Variants in HAUS6 observed in about 807,000 individuals in gnomAD.
HAUS6 encodes HAUS augmin like complex subunit 6.
In HAUS6, 80 loss-of-function variants were observed where a neutral mutation model predicts 106.8. The ratio of observed to expected loss-of-function variants is 0.75; its 90% CI spans 0.63 to 0.90. The LOEUF (loss-of-function observed/expected upper bound fraction) is 0.90. Ranked by LOEUF, HAUS6 falls within the 40% of genes least tolerant of loss-of-function variation. The pLI is 0.00. For missense variants in HAUS6, 1,155 were observed against 1,118.1 expected (o/e 1.03, Z -0.47); for synonymous variants, 356 against 379.1 (o/e 0.94, Z 0.71).
rs1836435163 is a variant in HAUS6 at position 19,054,792 on chromosome 9, T to A, written c.*1551A>T. 1 of 152,206 alleles carries A rather than the reference T, an allele frequency of 6.6e-6. No homozygotes were observed. Among genetic ancestry groups the A allele is most frequent in the Non-Finnish European group, 1.5e-5 (1 of 68,034 alleles). 9.4% of individuals were successfully genotyped at this position (152,206 alleles called of 1,614,324 possible). A position where few individuals can be genotyped will look rare whatever the true frequency, so the allele number is the denominator to read the frequency against. ...GCTTAAGAATTACCAAGGAAGCACATTTAAAATATAATTAAATGAAATAAT... is the reference window on the plus strand; with the variant it reads ...GCTTAAGAATTACCAAGGAAGCACAATTAAAATATAATTAAATGAAATAAT... On this transcript the variant is annotated 3_prime_UTR_variant, in exon 17 of 17. Coordinates refer to ENST00000380502, the MANE Select transcript of HAUS6 (RefSeq NM_017645.5).
chr9:19,094,265 A>C, intron 3 of HAUS6, 52 bp downstream of exon 3: 13 of 1,026,444 alleles, frequency 1.3e-5, no homozygotes, highest in Non-Finnish European at 2.0e-5. Context: ...AAAGAGTTAA[A>C]GTAGTTTTTA....
intron 1 of HAUS6, 138 bp from the exon 2 acceptor site, chr9:19,096,907 T>C (rs1342339026): frequency 2.1e-6 from 1 of 471,820 alleles, no homozygotes; most frequent in African/African-American, 2.1e-5. Context: ...ATTTTTCTCA[T>C]TCATGTGTAT....
chr9:19,056,639 C>T (rs1265518568), intron 16 of HAUS6: 1 of 392,806 alleles, frequency 2.5e-6, no homozygotes, highest in African/African-American at 2.1e-5. Context: ...CTTGCTCTGT[C>T]ACCCAGGCTG....
At chr9:19,095,640 T>C (rs981748844) in intron 2 of HAUS6, among the ~76,000 whole-genome samples, 2 of 152,158 alleles carry the variant, frequency 1.3e-5, no homozygotes, top group East Asian at 1.9e-4. Context: ...AAGCAAAATA[T>C]TGAAAATAGA....
intron 5 of HAUS6, among the ~76,000 whole-genome samples, chr9:19,087,846 CAAAAAAAAAAAAAAA>C (rs71333081): frequency 3.8e-4 from 30 of 78,716 alleles, no homozygotes; most frequent in African/African-American, 1.4e-3. Context: ...GACCTTGTCT[CAAAAAAAAAAAAAAA>C]AAAAAAAAAA....
At position 19,058,101 on chromosome 9, in the gene HAUS6, G is replaced by C. The variant is rs539787370; in HGVS notation, c.2666C>G (p.Thr889Ser). ...LNFLDTCDLH[T>S]EHIKPSLRTS... is the part of the protein sequence containing the mutation. The stretch of plus-strand genomic sequence containing the variant: ...GCGTAAAGATGGCTTTATATGCTCA[G>C]TATGCAAATCACAGGTGTCCAAAAA... The change falls in exon 16 of 17, where the codon ACT (threonine) becomes AGT (serine). Residue 889 changes from threonine to serine, a missense_variant. This residue lies in a region of HAUS6 where 380 missense variants were observed against 394.8 expected (regional missense o/e 0.96). Coordinates refer to ENST00000380502, the MANE Select transcript of HAUS6 (RefSeq NM_017645.5). The C allele has an allele frequency of 6.2e-7, 1 of 1,614,126 alleles. No homozygotes were observed. The highest frequency in any genetic ancestry group is 1.7e-5 in the Admixed American group (1 of 60,020).
At position 19,060,232 on chromosome 9, in the gene HAUS6, GAAAAGA is replaced by G. The variant is rs754596997; in HGVS notation, c.1630-15_1630-10del. ...AAAACTGCTCTGGCAACCTAAAACA[GAAAAGA>G]AAAAGTAAAGCAAAGATTACCAAGC... On this transcript the variant is annotated splice_polypyrimidine_tract_variant and intron_variant, in intron 14 of 16. Coordinates refer to ENST00000380502, the MANE Select transcript of HAUS6 (RefSeq NM_017645.5). 6 of 1,511,660 alleles carry G rather than the reference GAAAAGA, an allele frequency of 4.0e-6. No homozygotes were observed. In the Admixed American group the frequency reaches 1.5e-4, roughly 37 times the overall value. The allele number at this position is 1,511,660 out of a possible 1,614,324, so 93.6% of individuals were successfully genotyped here.
intron 16 of HAUS6, 173 bp downstream of exon 16, chr9:19,057,788 A>G (rs1836506031): frequency 1.9e-6 from 1 of 534,796 alleles, no homozygotes; most frequent in Admixed American, 3.2e-5. Context: ...ATATACATAA[A>G]CAGAGATTCT....
At chr9:19,089,054 G>C (rs1817690436) in intron 5 of HAUS6, among the ~76,000 whole-genome samples, 1 of 152,068 alleles carries the variant, frequency 6.6e-6, no homozygotes, top group Non-Finnish European at 1.5e-5. Flanking sequence ...ATCAGTCTAG[G>C]CAACATGGTG....
intron 11 of HAUS6, among the ~76,000 whole-genome samples, chr9:19,075,095 T>G (rs1231983275): frequency 3.9e-5 from 6 of 152,182 alleles, no homozygotes; most frequent in Non-Finnish European, 7.3e-5. Flanking sequence ...ACAACTTAGA[T>G]GAACTTTGAA....
chr9:19,058,582 C>T lies in HAUS6; in HGVS notation c.2185G>A (p.Glu729Lys). Residue 729 changes from glutamate (E) to lysine (K), a missense_variant, in exon 16 of 17, where the codon GAA becomes AAA. Coordinates refer to ENST00000380502, the MANE Select transcript of HAUS6 (RefSeq NM_017645.5). ...GNRIDVMGGSEEEFMKILDHL... is the reference protein window; with the variant it reads ...GNRIDVMGGSKEEFMKILDHL... ...TCCAATATTTTCATAAACTCCTCTT[C>T]ACTGCCACCCATCACATCTATCCTA... The T allele has an allele frequency of 6.2e-7, 1 of 1,600,002 alleles. No homozygotes were observed. Among genetic ancestry groups the T allele is most frequent in the South Asian group, 1.1e-5 (1 of 90,454 alleles).
intron 14 of HAUS6, among the ~76,000 whole-genome samples, chr9:19,062,328 T>A (rs1836642076): frequency 6.6e-6 from 1 of 152,228 alleles, no homozygotes; most frequent in South Asian, 2.1e-4. Flanking sequence ...GAAACTCAGC[T>A]AAGCAACAAA....
intron 1 of HAUS6, among the ~76,000 whole-genome samples, chr9:19,101,506 A>G (rs1031359939): frequency 6.6e-6 from 1 of 151,238 alleles, no homozygotes. Flanking sequence ...ACAAAAAACA[A>G]TGGCTCATAT....
At chr9:19,100,581 T>C (rs756330715) in intron 1 of HAUS6, among the ~76,000 whole-genome samples, 10 of 152,174 alleles carry the variant, frequency 6.6e-5, no homozygotes, top group Non-Finnish European at 1.0e-4. Flanking sequence ...CTGCTGGGTA[T>C]ATATCCAAAA....
chr9:19,063,057 G>C lies in HAUS6; in HGVS notation c.1580C>G (p.Ala527Gly). The C allele has an allele frequency of 6.2e-7, 1 of 1,610,988 alleles. No homozygotes were observed. Among genetic ancestry groups the C allele is most frequent in the Non-Finnish European group, 8.5e-7 (1 of 1,179,220 alleles). Residue 527 changes from alanine (A) to glycine (G), a missense_variant, in exon 14 of 17, where the codon GCT becomes GGT. Around this residue, in one of 3 missense-constraint regions of HAUS6, gnomAD observed 761 missense variants for 690.0 expected, o/e 1.10. Transcript: ENST00000380502. ...TTTTTGAAATGGATCACTTTTTTTA[G>C]CTGGCAAAGACCCTCCAAATGCACT... ...ESSAFGGSLP[A>G]KKSDPFQKEQ...
intron 1 of HAUS6, among the ~76,000 whole-genome samples, chr9:19,098,874 T>A (rs981026374): frequency 2.0e-5 from 3 of 151,762 alleles, no homozygotes; most frequent in Admixed American, 6.6e-5. Flanking sequence ...AATACAAAAT[T>A]AGCAGGGCAT....
rs766966694 is a variant in HAUS6 at position 19,056,338 on chromosome 9, C to T, written c.*5G>A. The T allele has an allele frequency of 1.4e-5, 18 of 1,313,714 alleles. No individual in the cohort carries two copies. Among genetic ancestry groups the T allele is most frequent in the East Asian group, 9.2e-5 (4 of 43,532 alleles). 81.4% of individuals were successfully genotyped at this position (1,313,714 alleles called of 1,614,324 possible). ...GCATCATAGTTATATTAAATGGGTACGTCTTCATCTTGTCAAGTCAGACGG... is the reference window on the plus strand; with the variant it reads ...GCATCATAGTTATATTAAATGGGTATGTCTTCATCTTGTCAAGTCAGACGG... On this transcript the variant is annotated 3_prime_UTR_variant, in exon 17 of 17. Transcript: ENST00000380502.
At chr9:19,091,542 T>G (rs1184340683) in intron 4 of HAUS6, among the ~76,000 whole-genome samples, 1 of 151,898 alleles carries the variant, frequency 6.6e-6, no homozygotes, top group Non-Finnish European at 1.5e-5. Context: ...CTGGAAACAT[T>G]CTTATATTAC....
chr9:19,101,953 T>A (rs1014181892), intron 1 of HAUS6, among the ~76,000 whole-genome samples: 4 of 152,134 alleles, frequency 2.6e-5, no homozygotes, highest in African/African-American at 7.2e-5. Context: ...ACAGTGGGAA[T>A]GATTAAATAG....
Sources: allele counts gnomAD v4.1 joint callset (sites outside exome capture counted in the v4.1 genomes callset), GRCh38; gene constraint gnomAD v4.1.1; regional missense constraint gnomAD v4.1.1; transcripts MANE v1.5; gene names NCBI Gene and HGNC (gene_info 2026-07-23, HGNC 2026-07-21).